The following LANCL2 variants were observed in gnomAD, a reference collection of about 807,000 sequenced individuals.
LANCL2 encodes the protein LanC like glutathione S-transferase 2.
In LANCL2, 33 loss-of-function variants were observed where a neutral mutation model predicts 56.9. The observed-to-expected ratio is 0.58, with a 90% CI of 0.44 to 0.78. The LOEUF (loss-of-function observed/expected upper bound fraction) is 0.78, where lower values mean the gene tolerates loss of function less well. Among genes scored for constraint, LANCL2 ranks in the 30% least tolerant of loss-of-function variants. LANCL2 has a pLI of 0.00. For synonymous variants in LANCL2, 233 were observed against 228.2 expected (o/e 1.02, Z -0.19); for missense variants, 562 against 580.2 (o/e 0.97, Z 0.32).
Position 55,366,223 on chromosome 7 carries a change from C to T in LANCL2, c.198C>T (p.Asp66=), listed in dbSNP as rs369008408. The change falls in exon 1 of 9, where the codon GAC becomes GAT. Residue 66 remains aspartate, a synonymous_variant. Transcript: ENST00000254770. ...AGCCCGGCCTCCCTTTTCATCAGGA[C>T]GGGAAGGTGAGTCGGCGGCCTGGCC... ...TDEPGLPFHQ[D]GKIIHNFIRR... is the part of the protein sequence containing the mutation. 37 of 1,510,958 alleles carry T rather than the reference C, an allele frequency of 2.4e-5. No individual in the cohort carries two copies. The highest frequency in any genetic ancestry group is 7.1e-5 in the African/African-American group (5 of 70,026). 93.6% of individuals were successfully genotyped at this position (1,510,958 alleles called of 1,614,324 possible).
At chr7:55,420,057 C>G (rs1389308619) in intron 6 of LANCL2, among the ~76,000 whole-genome samples, 1 of 151,920 alleles carries the variant, frequency 6.6e-6, no homozygotes, top group Non-Finnish European at 1.5e-5. Context: ...GAGTCAGACC[C>G]TGTCTCAAAA....
chr7:55,403,688 C>T (rs1790371346), intron 5 of LANCL2, among the ~76,000 whole-genome samples: 3 of 150,380 alleles, frequency 2.0e-5, no homozygotes, highest in Admixed American at 1.3e-4. Context: ...TCTCCTGCCT[C>T]AGCCACCCGA....
chr7:55,396,148 G>T (rs1790249668), intron 2 of LANCL2, among the ~76,000 whole-genome samples: 1 of 152,166 alleles, frequency 6.6e-6, no homozygotes, highest in Non-Finnish European at 1.5e-5. Flanking sequence ...GAATTGTGGG[G>T]GCTCAGTGTG....
intron 5 of LANCL2, among the ~76,000 whole-genome samples, chr7:55,409,308 G>A (rs904425043): frequency 1.3e-5 from 2 of 151,516 alleles, no homozygotes; most frequent in Admixed American, 6.6e-5. Context: ...TAGCCAGGAC[G>A]GTCTCGATCT....
At chr7:55,382,993 A>G (rs1490882340) in intron 1 of LANCL2, among the ~76,000 whole-genome samples, 1 of 152,236 alleles carries the variant, frequency 6.6e-6, no homozygotes, top group Non-Finnish European at 1.5e-5. Flanking sequence ...ATGGTGGCTC[A>G]CGCCTGTAAT....
At position 55,432,570 on chromosome 7, in the gene LANCL2, C is replaced by T. The variant is rs1425438216; in HGVS notation, c.*1250C>T. Reference sequence around the variant, plus strand: ...GTACTTCTCGTCTTGTGAGCTAAGGCTTGTGTCATGAAAGACAAGAGGCCT... The same window carrying T: ...GTACTTCTCGTCTTGTGAGCTAAGGTTTGTGTCATGAAAGACAAGAGGCCT... On this transcript the variant is annotated 3_prime_UTR_variant, in exon 9 of 9. Coordinates refer to ENST00000254770, the MANE Select transcript of LANCL2 (RefSeq NM_018697.4). 6.6e-6 allele frequency: 1 copy of T among 152,188 alleles called. No individual in the cohort carries two copies. Among genetic ancestry groups the T allele is most frequent in the African/African-American group, 2.4e-5 (1 of 41,440 alleles). 9.4% of individuals were successfully genotyped at this position (152,188 alleles called of 1,614,324 possible). A position where few individuals can be genotyped will look rare whatever the true frequency, so the allele number is the denominator to read the frequency against.
At chr7:55,417,840 G>A (rs571298686) in intron 6 of LANCL2, among the ~76,000 whole-genome samples, 3 of 151,952 alleles carry the variant, frequency 2.0e-5, no homozygotes, top group South Asian at 4.2e-4. Flanking sequence ...CACCATACCC[G>A]GCTAGTTTTT....
At chr7:55,398,075 G>A (rs1046575045) in intron 2 of LANCL2, among the ~76,000 whole-genome samples, 38 of 152,188 alleles carry the variant, frequency 2.5e-4, no homozygotes, top group African/African-American at 9.2e-4. Flanking sequence ...GGATCTACAA[G>A]GGAGAATGAA....
rs1472926130 is a variant in LANCL2 at position 55,387,809 on chromosome 7, AAAC to A, written c.205-3980_205-3978del. Among the ~76,000 whole-genome samples, 5 of 152,320 alleles carry A rather than the reference AAAC, an allele frequency of 3.3e-5. No individual in the cohort carries two copies. In the East Asian group the frequency reaches 5.8e-4, roughly 18 times the overall value. On this transcript the variant is annotated intron_variant, in intron 1 of 8. Coordinates refer to ENST00000254770, the MANE Select transcript of LANCL2 (RefSeq NM_018697.4). Reference sequence around the variant, plus strand: ...ACTTGTTCTAAATATCCTTTTTAAAAAACAACCTTACTTTAAGATAATAATTTA... The same window carrying A: ...ACTTGTTCTAAATATCCTTTTTAAAAAACCTTACTTTAAGATAATAATTTA...
At chr7:55,412,421 G>C (rs535080547) in intron 6 of LANCL2, among the ~76,000 whole-genome samples, 1 of 152,200 alleles carries the variant, frequency 6.6e-6, no homozygotes. Context: ...TATAACCAAA[G>C]TGCTTTTTTG....
At chr7:55,377,816 C>T (rs2128991475) in intron 1 of LANCL2, among the ~76,000 whole-genome samples, 1 of 152,306 alleles carries the variant, frequency 6.6e-6, no homozygotes, top group African/African-American at 2.4e-5. Flanking sequence ...ATAAAACCTC[C>T]AAAATTCTTT....
At chr7:55,384,002 G>A (rs562780413) in intron 1 of LANCL2, among the ~76,000 whole-genome samples, 2 of 152,186 alleles carry the variant, frequency 1.3e-5, no homozygotes, top group South Asian at 4.2e-4. Context: ...TTGCAGGAGT[G>A]GTTTCAAGAC....
chr7:55,370,017 C>T (rs141460020), intron 1 of LANCL2, among the ~76,000 whole-genome samples: 1 of 152,164 alleles, frequency 6.6e-6, no homozygotes, highest in Admixed American at 6.5e-5. Flanking sequence ...GTCAGGAATC[C>T]AGCTGCAGGT....
intron 6 of LANCL2, among the ~76,000 whole-genome samples, chr7:55,423,784 A>G (rs906849772): frequency 3.3e-5 from 5 of 152,210 alleles, no homozygotes; most frequent in Non-Finnish European, 7.4e-5. Context: ...TCACACAGTT[A>G]AAAGGTGACA....
chr7:55,406,231 C>T (rs997605314), intron 5 of LANCL2, among the ~76,000 whole-genome samples: 11 of 152,112 alleles, frequency 7.2e-5, no homozygotes, highest in African/African-American at 2.4e-4. Context: ...GTGGCACAAG[C>T]GGGATCCAAG....
intron 6 of LANCL2, among the ~76,000 whole-genome samples, 187 bp downstream of exon 6, chr7:55,412,276 G>C (rs1405558432): frequency 6.6e-6 from 1 of 152,228 alleles, no homozygotes; most frequent in Non-Finnish European, 1.5e-5. Context: ...GCAAGTCTGT[G>C]TGTGTGTATG....
intron 3 of LANCL2, among the ~76,000 whole-genome samples, chr7:55,398,943 G>T (rs971028794): frequency 2.6e-5 from 4 of 152,128 alleles, no homozygotes; most frequent in African/African-American, 9.7e-5. Flanking sequence ...ACTGATGTTA[G>T]GTTCAACCCT....
intron 6 of LANCL2, among the ~76,000 whole-genome samples, chr7:55,421,478 A>G (rs1441133749): frequency 6.6e-6 from 1 of 151,714 alleles, no homozygotes; most frequent in Non-Finnish European, 1.5e-5. Flanking sequence ...AGCTGGGACT[A>G]CAGGCACGTG....
Position 55,431,211 on chromosome 7 carries a change from C to T in LANCL2, c.1259-15C>T, listed in dbSNP as rs369730124. The T allele has an allele frequency of 2.5e-6, 4 of 1,593,936 alleles. No individual in the cohort carries two copies. The highest frequency in any genetic ancestry group is 1.3e-5 in the African/African-American group (1 of 74,194). On this transcript the variant is annotated splice_polypyrimidine_tract_variant and intron_variant, in intron 8 of 8. Transcript: ENST00000254770. ...CTTATGCCATTCCTAAGAGGCTCCT[C>T]ATTTTACATTGCAGGCATGGCTGGC...
Sources: allele counts gnomAD v4.1 joint callset (sites outside exome capture counted in the v4.1 genomes callset), GRCh38; gene constraint gnomAD v4.1.1; transcripts MANE v1.5; gene names NCBI Gene and HGNC (gene_info 2026-07-23, HGNC 2026-07-21).